CCDC40: variants seen among roughly 807,000 people sequenced by gnomAD.
CCDC40 encodes the protein coiled-coil domain 40 molecular ruler complex subunit, also known as coiled-coil domain-containing protein 40.
CCDC40 carries 104 observed loss-of-function variants against 124.5 expected under a neutral mutation model. That is an observed-to-expected ratio of 0.84 (90% CI 0.71 to 0.98). CCDC40 has a LOEUF of 0.98. Ranked by LOEUF, CCDC40 falls within the 50% of genes least tolerant of loss-of-function variation. CCDC40 has a pLI of 0.00. For synonymous variants in CCDC40, 580 were observed against 602.9 expected (o/e 0.96, Z 0.56); for missense variants, 1,463 against 1,503.9 (o/e 0.97, Z 0.45).
intron 2 of CCDC40, 41 bp from the exon 3 acceptor site, chr17:80,039,771 A>C (rs763820758): frequency 8.1e-6 from 13 of 1,606,980 alleles, no homozygotes; most frequent in Non-Finnish European, 1.1e-5. Flanking sequence ...AAGGTCCTTT[A>C]TACTTTGTTT....
intron 9 of CCDC40, among the ~76,000 whole-genome samples, chr17:80,060,386 AT>A (rs2037866507): frequency 6.6e-6 from 1 of 151,988 alleles, no homozygotes; most frequent in Admixed American, 6.6e-5. Flanking sequence ...CCACAAAAAA[AT>A]AATAATTAAA....
chr17:80,075,206 TGA>T, intron 10 of CCDC40, among the ~76,000 whole-genome samples: 1 of 147,198 alleles, frequency 6.8e-6, no homozygotes, highest in East Asian at 2.0e-4. Context: ...ATTACAGGCA[TGA>T]GCCACCTCAG....
chr17:80,071,753 G>A (rs900245798), intron 10 of CCDC40, among the ~76,000 whole-genome samples: 11 of 151,578 alleles, frequency 7.3e-5, no homozygotes, highest in African/African-American at 2.7e-4. Context: ...GGAGTGTCCT[G>A]AGCACGTTTG....
Position 80,086,137 on chromosome 17 carries a change from G to A in CCDC40, c.2370G>A (p.Glu790=). ...AGGAGATGGTCAAGGTGACACAGGA[G>A]CAGGAGGAGCAGCTGGCCTCCCTGG... ...LQQEMVKVTQ[E]QEEQLASLDA... Residue 790 remains glutamate (E), a synonymous_variant, in exon 14 of 20, where the codon GAG becomes GAA. Coordinates refer to ENST00000397545, the MANE Select transcript of CCDC40 (RefSeq NM_017950.4). The surrounding 1 kb of genome is among the most constrained non-coding windows in gnomAD (Gnocchi z 5.5). The A allele has an allele frequency of 6.2e-7, 1 of 1,614,112 alleles. No individual in the cohort carries two copies. Among genetic ancestry groups the A allele is most frequent in the Non-Finnish European group, 8.5e-7 (1 of 1,179,998 alleles).
chr17:80,044,482 G>A (rs1381414851), intron 3 of CCDC40, among the ~76,000 whole-genome samples: 2 of 152,022 alleles, frequency 1.3e-5, no homozygotes, highest in Non-Finnish European at 2.9e-5. Context: ...CCAGGAGTTC[G>A]AGACCAGCTT....
At chr17:80,041,130 GGA>G (rs1162503252) in intron 3 of CCDC40, among the ~76,000 whole-genome samples, 1 of 152,190 alleles carries the variant, frequency 6.6e-6, no homozygotes, top group Non-Finnish European at 1.5e-5. Flanking sequence ...CTTAAACACT[GGA>G]GAGTGGGTTG....
intron 7 of CCDC40, among the ~76,000 whole-genome samples, chr17:80,056,012 A>AT (rs1278622929): frequency 1.4e-4 from 2 of 14,142 alleles, no homozygotes; most frequent in African/African-American, 5.2e-4. Flanking sequence ...ATATATATAT[A>AT]TATATTTTTT....
chr17:80,096,367 A>C (rs568541724), intron 18 of CCDC40, among the ~76,000 whole-genome samples: 2 of 150,988 alleles, frequency 1.3e-5, no homozygotes, highest in South Asian at 4.2e-4. Flanking sequence ...GGGAAAGGCT[A>C]GCCAAAAATG....
intron 10 of CCDC40, chr17:80,068,025 T>A (rs1032400423): frequency 2.9e-6 from 3 of 1,022,624 alleles, no homozygotes; most frequent in Admixed American, 5.4e-5. Flanking sequence ...AGGCCCAACT[T>A]TTATTTATTA....
chr17:80,065,628 C>G (rs747457471), intron 10 of CCDC40, 22 bp downstream of exon 10: 1 of 1,610,914 alleles, frequency 6.2e-7, no homozygotes, highest in African/African-American at 1.3e-5. Context: ...CCACAGGCAG[C>G]GAGGATGTGC....
At chr17:80,077,187 C>T (rs1227158250) in intron 10 of CCDC40, among the ~76,000 whole-genome samples, 1 of 152,134 alleles carries the variant, frequency 6.6e-6, no homozygotes, top group African/African-American at 2.4e-5. Context: ...TGCAACTGAA[C>T]CTGCAGTATC....
Position 80,087,701 on chromosome 17 carries a change from T to C in CCDC40, c.2544T>C (p.Asn848=). 6.2e-7 allele frequency: 1 copy of C among 1,613,878 alleles called. No individual in the cohort carries two copies. Among genetic ancestry groups the C allele is most frequent in the Non-Finnish European group, 8.5e-7 (1 of 1,179,888 alleles). The part of the protein sequence containing the change: ...NDLKKLNMLM[N]KNRCSSEELE... ...TGAAGAAGCTCAACATGTTGATGAA[T>C]AAAAACCGGTGCAGCTCGGAGGAGC... Residue 848 remains asparagine, a synonymous_variant, in exon 15 of 20, where the codon AAT becomes AAC. Transcript: ENST00000397545. The surrounding 1 kb of genome is among the most constrained non-coding windows in gnomAD (Gnocchi z 4.5).
intron 2 of CCDC40, among the ~76,000 whole-genome samples, chr17:80,038,988 A>C (rs573854397): frequency 5.6e-4 from 86 of 152,342 alleles, no homozygotes; most frequent in Admixed American, 8.5e-4. Context: ...GTGATTAGTC[A>C]GGGATGCAAA....
In CCDC40 at chr17:80,084,979, C is replaced by T. The variant is rs72849355; in HGVS notation, c.2226C>T (p.Ser742=). Residue 742 remains serine (S), a synonymous_variant, in exon 13 of 20, where the codon TCC becomes TCT. Coordinates refer to ENST00000397545, the MANE Select transcript of CCDC40 (RefSeq NM_017950.4). ...FLNKQLERMV[S]ELGGEEVGPL... is the part of the protein sequence containing the mutation. Reference sequence around the variant, plus strand: ...ACAAGCAGCTGGAGCGGATGGTCTCCGAGCTGGGGGTGAGGTCCCAGGCAG... The same window carrying T: ...ACAAGCAGCTGGAGCGGATGGTCTCTGAGCTGGGGGTGAGGTCCCAGGCAG... 7.1e-4 allele frequency: 1,151 copies of T among 1,613,640 alleles called. 1 individual carries two copies. The highest frequency in any genetic ancestry group is 9.9e-4 in the Middle Eastern group (6 of 6,042).
chr17:80,051,928 T>A (rs2037609175), intron 7 of CCDC40, among the ~76,000 whole-genome samples: 1 of 152,236 alleles, frequency 6.6e-6, no homozygotes, highest in South Asian at 2.1e-4. Flanking sequence ...TGGACTCTGC[T>A]TCCTGGAGAT....
rs753435955 is a variant in CCDC40, at chr17:80,081,986, C to T, written c.1917C>T (p.His639=). ...CCATCCGGGAGAAGCTGCAGGAGCACATGACCTCCAACAAGACCACCAAAT... is the reference window on the plus strand; with the variant it reads ...CCATCCGGGAGAAGCTGCAGGAGCATATGACCTCCAACAAGACCACCAAAT... The part of the protein sequence containing the change: ...DAAIREKLQE[H]MTSNKTTKYF... The change falls in exon 12 of 20, where the codon CAC becomes CAT. Residue 639 remains histidine (H), a synonymous_variant. Coordinates refer to ENST00000397545, the MANE Select transcript of CCDC40 (RefSeq NM_017950.4). The T allele has an allele frequency of 1.9e-6, 3 of 1,613,746 alleles. No individual in the cohort carries two copies. Among genetic ancestry groups the T allele is most frequent in the Admixed American group, 3.3e-5 (2 of 59,964 alleles).
intron 1 of CCDC40, among the ~76,000 whole-genome samples, chr17:80,037,451 A>AT (rs1438955367): frequency 6.6e-6 from 1 of 152,074 alleles, no homozygotes; most frequent in African/African-American, 2.4e-5. Context: ...TAAAGGTATT[A>AT]TTAATAAAAC....
intron 18 of CCDC40, among the ~76,000 whole-genome samples, chr17:80,095,764 C>T (rs946478425): frequency 1.3e-5 from 2 of 152,238 alleles, no homozygotes; most frequent in East Asian, 1.9e-4. Flanking sequence ...ATGCCCGCAC[C>T]GGACAGAGCT....
chr17:80,099,429 C>T (rs1280662451), intron 19 of CCDC40, 98 bp from the exon 20 acceptor site: 2 of 1,433,634 alleles, frequency 1.4e-6, no homozygotes, highest in Non-Finnish European at 1.9e-6. Flanking sequence ...GGTCTCGCCT[C>T]CTCTTCGGCA....
Sources: gnomAD v4.1 joint callset for allele counts (sites outside exome capture counted in the v4.1 genomes callset) on GRCh38, gnomAD v4.1.1 for gene constraint, Gnocchi (gnomAD v3.1) non-coding constraint, MANE v1.5 for transcripts, NCBI Gene and HGNC (gene_info 2026-07-23, HGNC 2026-07-21) for gene names.